The following NAA35 variants were observed in gnomAD, a reference collection of about 807,000 sequenced individuals.
NAA35 encodes the protein MAK10 homolog, amino-acid N-acetyltransferase subunit.
NAA35 carries 18 observed loss-of-function variants against 101.7 expected under a neutral mutation model. The ratio of observed to expected loss-of-function variants is 0.18; its 90% CI spans 0.12 to 0.26. NAA35 has a LOEUF of 0.26. Ranked by LOEUF, NAA35 falls within the 10% of genes least tolerant of loss-of-function variation. The probability of loss-of-function intolerance (pLI) is 1.00; values close to 1 mark genes in which losing one functional copy is unlikely to be tolerated. For missense variants in NAA35, 601 were observed against 886.8 expected (o/e 0.68, Z 4.09); for synonymous variants, 267 against 273.1 (o/e 0.98, Z 0.22).
At position 86,018,770 on chromosome 9, in the gene NAA35, C is replaced by G; in HGVS notation, c.1986C>G (p.His662Gln). Residue 662 changes from histidine (H) to glutamine (Q), a missense_variant, in exon 21 of 23, where the codon CAC becomes CAG. Transcript: ENST00000361671. The part of the protein sequence containing the change: ...SPELYVAASK[H>Q]FQQAKMILEN... The stretch of plus-strand genomic sequence containing the variant: ...AACTGTATGTGGCAGCTAGTAAGCA[C>G]TTTCAACAGGCAAAAATGATATTGG... The G allele has an allele frequency of 6.2e-7, 1 of 1,614,106 alleles. No homozygotes were observed. The highest frequency in any genetic ancestry group is 8.5e-7 in the Non-Finnish European group (1 of 1,180,012).
chr9:85,968,916 G>T (rs901683052), intron 6 of NAA35, among the ~76,000 whole-genome samples: 1 of 152,082 alleles, frequency 6.6e-6, no homozygotes, highest in African/African-American at 2.4e-5. Context: ...TTTCTTATAT[G>T]TGATAATTGT....
chr9:85,998,775 A>G (rs1046716497), intron 12 of NAA35, among the ~76,000 whole-genome samples: 3 of 152,194 alleles, frequency 2.0e-5, no homozygotes, highest in African/African-American at 7.2e-5. Context: ...AAGTACACTA[A>G]CATCTGTGGC....
chr9:85,961,801 T>C (rs1017271795), intron 5 of NAA35, among the ~76,000 whole-genome samples: 3 of 152,204 alleles, frequency 2.0e-5, no homozygotes, highest in Non-Finnish European at 2.9e-5. Context: ...ATCTCTAATA[T>C]GTTGCAAACT....
intron 11 of NAA35, among the ~76,000 whole-genome samples, chr9:85,988,345 G>C (rs1373401808): frequency 6.6e-6 from 1 of 152,164 alleles, no homozygotes; most frequent in Non-Finnish European, 1.5e-5. Context: ...TATAGAACAA[G>C]AGCAGAAAGC....
At chr9:86,004,737 ACT>A (rs1831559060) in intron 13 of NAA35, among the ~76,000 whole-genome samples, 1 of 152,180 alleles carries the variant, frequency 6.6e-6, no homozygotes, top group African/African-American at 2.4e-5. Context: ...ATCATTACAG[ACT>A]CTGTAAACAT....
At chr9:85,970,294 A>G (rs1829949903) in intron 6 of NAA35, among the ~76,000 whole-genome samples, 1 of 152,214 alleles carries the variant, frequency 6.6e-6, no homozygotes, top group African/African-American at 2.4e-5. Flanking sequence ...GCTGCATAGT[A>G]TTGTGTGAAG....
At chr9:86,004,343 G>C (rs1831540035) in intron 13 of NAA35, among the ~76,000 whole-genome samples, 1 of 152,030 alleles carries the variant, frequency 6.6e-6, no homozygotes, top group African/African-American at 2.4e-5. Context: ...GACCTCAGGT[G>C]ATCCACCCGT....
chr9:85,965,531 G>A (rs56156620), intron 6 of NAA35, among the ~76,000 whole-genome samples: 3 of 152,136 alleles, frequency 2.0e-5, no homozygotes, highest in African/African-American at 7.2e-5. Context: ...GAGAGGCTGA[G>A]GTTGGAGGAT....
At chr9:86,006,632 G>A (rs561470766) in intron 13 of NAA35, among the ~76,000 whole-genome samples, 1 of 152,280 alleles carries the variant, frequency 6.6e-6, no homozygotes, top group African/African-American at 2.4e-5. Flanking sequence ...CTTGCCAGGG[G>A]TTTGGGGCGG....
At chr9:85,978,426 TC>T (rs765995452) in intron 11 of NAA35, 45 bp downstream of exon 11, 11 of 1,333,644 alleles carry the variant, frequency 8.2e-6, no homozygotes, top group Non-Finnish European at 1.1e-5. Context: ...TTCGTTTCTA[TC>T]CAAAATATTT....
At chr9:85,998,484 A>G (rs1289563693) in intron 12 of NAA35, among the ~76,000 whole-genome samples, 2 of 152,188 alleles carry the variant, frequency 1.3e-5, no homozygotes, top group African/African-American at 2.4e-5. Context: ...TTTTTATTGT[A>G]TGCTTCCTTT....
intron 2 of NAA35, among the ~76,000 whole-genome samples, chr9:85,953,329 C>A (rs7869297): frequency 3.3e-5 from 5 of 151,274 alleles, no homozygotes; most frequent in African/African-American, 1.2e-4. Flanking sequence ...ATATCCAGGA[C>A]TCTTATCTTG....
chr9:86,009,142 T>G (rs1672078486), intron 14 of NAA35, among the ~76,000 whole-genome samples: 1 of 152,194 alleles, frequency 6.6e-6, no homozygotes, highest in South Asian at 2.1e-4. Flanking sequence ...AATTTGAAAA[T>G]AATCATTTTT....
At chr9:86,004,197 C>T (rs1331050326) in intron 13 of NAA35, among the ~76,000 whole-genome samples, 3 of 152,096 alleles carry the variant, frequency 2.0e-5, no homozygotes, top group Non-Finnish European at 4.4e-5. Flanking sequence ...CTCCGCCTCC[C>T]GGGTTCAAGT....
chr9:85,992,395 T>C (rs1251247554), intron 11 of NAA35, among the ~76,000 whole-genome samples: 1 of 152,120 alleles, frequency 6.6e-6, no homozygotes, highest in Admixed American at 6.5e-5. Flanking sequence ...AAAATATTTA[T>C]ATGAGTGTCC....
chr9:86,011,628 G>A (rs1298432961), intron 15 of NAA35, among the ~76,000 whole-genome samples: 1 of 151,222 alleles, frequency 6.6e-6, no homozygotes, highest in African/African-American at 2.4e-5. Context: ...CAAAGTGCTG[G>A]GACTTACAGG....
At chr9:85,951,909 C>T (rs1272970142) in intron 2 of NAA35, among the ~76,000 whole-genome samples, 4 of 152,218 alleles carry the variant, frequency 2.6e-5, no homozygotes, top group East Asian at 3.8e-4. Context: ...ATCTGCCTGC[C>T]TTGGCCGCCT....
intron 11 of NAA35, among the ~76,000 whole-genome samples, chr9:85,980,950 C>T (rs758035837): frequency 2.6e-5 from 4 of 152,126 alleles, no homozygotes; most frequent in Non-Finnish European, 4.4e-5. Flanking sequence ...TACTGATCGA[C>T]ACCTCATTCC....
At chr9:85,990,615 A>G (rs542287804) in intron 11 of NAA35, among the ~76,000 whole-genome samples, 2 of 152,372 alleles carry the variant, frequency 1.3e-5, no homozygotes, top group Admixed American at 1.3e-4. Context: ...TGTATTTCCA[A>G]TTTAGTGATA....
Sources: allele counts gnomAD v4.1 joint callset (sites outside exome capture counted in the v4.1 genomes callset), GRCh38; gene constraint gnomAD v4.1.1; transcripts MANE v1.5; gene names NCBI Gene and HGNC (gene_info 2026-07-23, HGNC 2026-07-21).